Variants in RAD51C observed in about 807,000 individuals in gnomAD.
RAD51C encodes RAD51 paralog C, also known as DNA repair protein RAD51 homolog 3.
RAD51C carries 42 observed loss-of-function variants against 45.0 expected under a neutral mutation model. That is an observed-to-expected ratio of 0.93 (90% CI 0.73 to 1.21). The LOEUF (loss-of-function observed/expected upper bound fraction) is 1.21, where lower values mean the gene tolerates loss of function less well. Among genes scored for constraint, RAD51C ranks in the 50% most tolerant of loss-of-function variants. RAD51C has a pLI of 0.00. For synonymous variants in RAD51C, 172 were observed against 159.8 expected (o/e 1.08, Z -0.58); for missense variants, 474 against 452.2 (o/e 1.05, Z -0.44).
chr17:58,726,960 A>G (rs577785804), intron 7 of RAD51C, among the ~76,000 whole-genome samples: 112 of 151,494 alleles, frequency 7.4e-4, no homozygotes, highest in Middle Eastern at 6.9e-3. Context: ...AGCTGGTACT[A>G]CAGGCGCCTG....
chr17:58,705,350 G>C (rs372378649), intron 4 of RAD51C, among the ~76,000 whole-genome samples: 17 of 151,014 alleles, frequency 1.1e-4, no homozygotes, highest in African/African-American at 3.9e-4. Context: ...TTTTTGGGGG[G>C]GGGGTGGAGT....
chr17:58,694,631 T>C, intron 1 of RAD51C: 1 of 371,434 alleles, frequency 2.7e-6, no homozygotes. Context: ...CGTGCCACCA[T>C]GCCCGGCTAA....
At chr17:58,723,014 C>T (rs1312233280) in intron 6 of RAD51C, among the ~76,000 whole-genome samples, 1 of 152,306 alleles carries the variant, frequency 6.6e-6, no homozygotes, top group East Asian at 1.9e-4. Flanking sequence ...AACATATAAC[C>T]TATTAGTAAT....
chr17:58,712,373 T>G (rs924635494), intron 5 of RAD51C, among the ~76,000 whole-genome samples: 8 of 150,002 alleles, frequency 5.3e-5, no homozygotes, highest in Non-Finnish European at 1.2e-4. Context: ...AAAGAAATTT[T>G]AAGTTATGTA....
At position 58,694,915 on chromosome 17, in the gene RAD51C, C is replaced by A; in HGVS notation, c.146-16C>A. 1 of 1,597,928 alleles carries A rather than the reference C, an allele frequency of 6.3e-7. No individual in the cohort carries two copies. The highest frequency in any genetic ancestry group is 1.1e-5 in the South Asian group (1 of 90,590). On this transcript the variant is annotated splice_polypyrimidine_tract_variant and intron_variant, in intron 1 of 8. Coordinates refer to ENST00000337432, the MANE Select transcript of RAD51C (RefSeq NM_058216.3). ...TCTCTAAAATTAGGGTTCTTTTTTT[C>A]TTATTTTACTTTCAGAAGTTGGGAT...
In RAD51C at chr17:58,699,652, C is replaced by T. The variant is rs183377146; in HGVS notation, c.571+2793C>T. 2.7e-4 allele frequency among the ~76,000 whole-genome samples: 41 copies of T among 152,250 alleles called. No homozygotes were observed. In the Middle Eastern group the frequency reaches 0.014, roughly 51 times the overall value. Reference sequence around the variant, plus strand: ...CAGGACATAAATGCACAGAAGAGTTCCATCTTCCCTCTCTTACAGGAAGAC... The same window carrying T: ...CAGGACATAAATGCACAGAAGAGTTTCATCTTCCCTCTCTTACAGGAAGAC... On this transcript the variant is annotated intron_variant, in intron 3 of 8. Coordinates refer to ENST00000337432, the MANE Select transcript of RAD51C (RefSeq NM_058216.3).
At chr17:58,719,729 A>ATTT (rs35062854) in intron 5 of RAD51C, among the ~76,000 whole-genome samples, 6 of 135,746 alleles carry the variant, frequency 4.4e-5, no homozygotes, top group East Asian at 2.1e-4. Context: ...TGGATTTTTA[A>ATTT]TTTTTTTTTT....
In RAD51C at chr17:58,717,449, A is replaced by G. The variant is rs546984517; in HGVS notation, c.838-3297A>G. ...CATTTCTAAAAACTATTCTTAAGAA[A>G]AGCTGCCGGCCGGGTGTGGTGGCTC... On this transcript the variant is annotated intron_variant, in intron 5 of 8. Transcript: ENST00000337432. Among the ~76,000 whole-genome samples, 78 of 151,122 alleles carry G rather than the reference A, an allele frequency of 5.2e-4. 1 individual carries two copies. The South Asian group carries it at 9.3e-3, about 18-fold the overall frequency.
In RAD51C at chr17:58,696,878, T is replaced by C; in HGVS notation, c.571+19T>C. ...GGAGAGGGTAAGTTAGTAAATGATCTTCTTTTTTTCTGTATTAATAAAAGT... is the reference window on the plus strand; with the variant it reads ...GGAGAGGGTAAGTTAGTAAATGATCCTCTTTTTTTCTGTATTAATAAAAGT... On this transcript the variant is annotated intron_variant, in intron 3 of 8. Transcript: ENST00000337432. 6.2e-7 allele frequency: 1 copy of C among 1,612,468 alleles called. No individual in the cohort carries two copies. Among genetic ancestry groups the C allele is most frequent in the East Asian group, 2.2e-5 (1 of 44,870 alleles).
intron 6 of RAD51C, among the ~76,000 whole-genome samples, chr17:58,723,150 A>G (rs1185631198): frequency 3.9e-5 from 6 of 152,122 alleles, no homozygotes; most frequent in East Asian, 1.9e-4. Flanking sequence ...AATATGACTA[A>G]TAATAAAAGT....
At chr17:58,732,992 C>T (rs28363331) in intron 8 of RAD51C, among the ~76,000 whole-genome samples, 1 of 151,970 alleles carries the variant, frequency 6.6e-6, no homozygotes, top group Non-Finnish European at 1.5e-5. Context: ...GCATATTTAT[C>T]AATAGTGTTG....
At position 58,715,454 on chromosome 17, in the gene RAD51C, C is replaced by CA. The variant is rs35442906; in HGVS notation, c.838-5271dup. The stretch of plus-strand genomic sequence containing the variant: ...GGGCAACAAGAGCGAAACTCTGTCT[C>CA]AAAAAAAAAAAAAAAAAAAAACCCT... On this transcript the variant is annotated intron_variant, in intron 5 of 8. Transcript: ENST00000337432. Among the ~76,000 whole-genome samples the CA allele has an allele frequency of 9.0e-3, 818 of 90,848 alleles. 8 individuals are homozygous for CA. The highest frequency in any genetic ancestry group is 0.023 in the Admixed American group (183 of 7,886). The allele number at this position is 90,848 out of a possible 152,430, so 59.6% of individuals were successfully genotyped here.
chr17:58,717,758 A>G (rs187828792), intron 5 of RAD51C, among the ~76,000 whole-genome samples: 3 of 152,248 alleles, frequency 2.0e-5, no homozygotes, highest in African/African-American at 7.2e-5. Context: ...AAAAAGAAAG[A>G]AAAGCTGCCA....
At chr17:58,726,024 A>G (rs1286199220) in intron 7 of RAD51C, among the ~76,000 whole-genome samples, 2 of 151,406 alleles carry the variant, frequency 1.3e-5, no homozygotes, top group Non-Finnish European at 2.9e-5. Flanking sequence ...AAACAAGAAA[A>G]TGATGTACAA....
In RAD51C at chr17:58,698,609, G is replaced by A. The variant is rs186758573; in HGVS notation, c.571+1750G>A. Among the ~76,000 whole-genome samples, 333 of 151,196 alleles carry A rather than the reference G, an allele frequency of 2.2e-3. 2 individuals are homozygous for A. Among genetic ancestry groups the A allele is most frequent in the Middle Eastern group, 0.017 (5 of 294 alleles). ...CTCCCAAAGTGCTGGGATTATAGGC[G>A]TGAGCCACCACGCCCAGCCTTAAAC... On this transcript the variant is annotated intron_variant, in intron 3 of 8. Coordinates refer to ENST00000337432, the MANE Select transcript of RAD51C (RefSeq NM_058216.3).
chr17:58,697,304 A>C (rs1290368535), intron 3 of RAD51C, among the ~76,000 whole-genome samples: 1 of 152,110 alleles, frequency 6.6e-6, no homozygotes. Flanking sequence ...TTGGGAGGCC[A>C]AGGCGGGTGG....
intron 6 of RAD51C, among the ~76,000 whole-genome samples, chr17:58,722,777 A>G (rs1024560624): frequency 1.9e-4 from 29 of 152,170 alleles, no homozygotes; most frequent in African/African-American, 7.0e-4. Flanking sequence ...TAGTTCTGGA[A>G]TTTGGCCAGG....
intron 3 of RAD51C, among the ~76,000 whole-genome samples, chr17:58,700,408 A>G (rs1348334680): frequency 1.1e-4 from 16 of 152,128 alleles, no homozygotes; most frequent in Non-Finnish European, 5.9e-5. Context: ...GAGTAGGTGT[A>G]GCACTAGGAT....
Position 58,712,481 on chromosome 17 carries a change from A to G in RAD51C, c.837+2491A>G, listed in dbSNP as rs2048592434. On this transcript the variant is annotated intron_variant, in intron 5 of 8. Coordinates refer to ENST00000337432, the MANE Select transcript of RAD51C (RefSeq NM_058216.3). ...TTGTGTAAATATTGTTGTCTGGTGT[A>G]AATATTTTTGCAGACTTCATGCATA... is the stretch of plus-strand genomic sequence containing the variant. Among the ~76,000 whole-genome samples the G allele has an allele frequency of 5.3e-5, 8 of 152,282 alleles. No homozygotes were observed. The South Asian group carries it at 1.7e-3, about 32-fold the overall frequency.
Sources: gnomAD v4.1 joint callset for allele counts (sites outside exome capture counted in the v4.1 genomes callset) on GRCh38, gnomAD v4.1.1 for gene constraint, MANE v1.5 for transcripts, NCBI Gene and HGNC (gene_info 2026-07-23, HGNC 2026-07-21) for gene names.